WWOX: variants seen among roughly 807,000 people sequenced by gnomAD.
WWOX encodes WW domain containing oxidoreductase.
In WWOX, 69 loss-of-function variants were observed where a neutral mutation model predicts 46.2. The observed-to-expected ratio is 1.49, with a 90% CI of 1.23 to 1.82. WWOX has a LOEUF of 1.82. Ranked by LOEUF, WWOX falls within the 40% of genes most tolerant of loss-of-function variation. The probability of loss-of-function intolerance (pLI) is 0.00; values close to 1 mark genes in which losing one functional copy is unlikely to be tolerated. For missense variants in WWOX, 919 were observed against 542.6 expected (o/e 1.69, Z -6.89); for synonymous variants, 359 against 202.6 (o/e 1.77, Z -6.56).
intron 8 of WWOX, among the ~76,000 whole-genome samples, chr16:78,837,561 A>G (rs898041597): frequency 7.9e-5 from 12 of 152,052 alleles, no homozygotes; most frequent in Non-Finnish European, 4.4e-5. Flanking sequence ...ATTATTTTTT[A>G]TTTTCTAGCA....
At chr16:78,668,229 G>A (rs780991283) in intron 8 of WWOX, among the ~76,000 whole-genome samples, 9 of 152,110 alleles carry the variant, frequency 5.9e-5, no homozygotes, top group Non-Finnish European at 8.8e-5. Flanking sequence ...GCAGTCAGCC[G>A]AGATCTATGC....
chr16:78,332,231 A>C (rs997433743), intron 5 of WWOX, among the ~76,000 whole-genome samples: 1 of 152,130 alleles, frequency 6.6e-6, no homozygotes, highest in Non-Finnish European at 1.5e-5. Context: ...TTGCCTAAAG[A>C]GACAGAATCC....
chr16:78,214,252 G>A (rs909148368), intron 5 of WWOX, among the ~76,000 whole-genome samples: 1 of 152,150 alleles, frequency 6.6e-6, no homozygotes. Context: ...TCAGACCGAG[G>A]GGTCCTAGTT....
chr16:78,644,168 G>C (rs1236300936), intron 8 of WWOX, among the ~76,000 whole-genome samples: 1 of 152,122 alleles, frequency 6.6e-6, no homozygotes, highest in Non-Finnish European at 1.5e-5. Context: ...GTTGTGGTGA[G>C]CTGAGATCAC....
intron 8 of WWOX, among the ~76,000 whole-genome samples, chr16:78,735,483 T>C (rs932462581): frequency 6.6e-6 from 1 of 152,028 alleles, no homozygotes; most frequent in African/African-American, 2.4e-5. Context: ...AGATCCTGTT[T>C]TGACGTGCTT....
At chr16:78,547,991 A>G (rs1323135662) in intron 8 of WWOX, among the ~76,000 whole-genome samples, 1 of 151,866 alleles carries the variant, frequency 6.6e-6, no homozygotes, top group Non-Finnish European at 1.5e-5. Context: ...GTCTTTTCTA[A>G]AAACATTTTA....
rs190043747 is a variant in WWOX at position 78,516,137 on chromosome 16, C to G, written c.1056+83385C>G. ...TAGTTCTTGGCGTGCCCCTTTCTTT[C>G]CGCAGTGCCCAGGCCAGAAGTACCT... On this transcript the variant is annotated intron_variant, in intron 8 of 8. Coordinates refer to ENST00000566780, the MANE Select transcript of WWOX (RefSeq NM_016373.4). Among the ~76,000 whole-genome samples the G allele has an allele frequency of 5.1e-3, 778 of 152,292 alleles. 4 individuals carry two copies. The highest frequency in any genetic ancestry group is 8.8e-3 in the Admixed American group (134 of 15,296).
intron 5 of WWOX, among the ~76,000 whole-genome samples, chr16:78,356,762 A>T (rs541121116): frequency 7.0e-4 from 106 of 152,212 alleles, no homozygotes; most frequent in African/African-American, 2.5e-3. Context: ...TGAGCCTGTA[A>T]TCCCAGCGAC....
intron 8 of WWOX, among the ~76,000 whole-genome samples, chr16:79,047,421 TTGATTGATCGAC>T (rs2048085939): frequency 6.6e-6 from 1 of 152,198 alleles, no homozygotes; most frequent in East Asian, 1.9e-4. Flanking sequence ...AATTGATTAA[TTGATTGATCGAC>T]TGAGGAATGT....
At chr16:79,152,918 G>C (rs990234498) in intron 8 of WWOX, among the ~76,000 whole-genome samples, 1 of 152,112 alleles carries the variant, frequency 6.6e-6, no homozygotes, top group East Asian at 1.9e-4. Context: ...AGTGGGCTCC[G>C]GGTCTAGGAG....
At chr16:78,764,239 A>G (rs2049871419) in intron 8 of WWOX, among the ~76,000 whole-genome samples, 1 of 151,692 alleles carries the variant, frequency 6.6e-6, no homozygotes, top group African/African-American at 2.4e-5. Context: ...GGTGTTGTTA[A>G]ACGGCTCCGC....
At chr16:78,900,987 C>T (rs1237415078) in intron 8 of WWOX, among the ~76,000 whole-genome samples, 1 of 152,100 alleles carries the variant, frequency 6.6e-6, no homozygotes, top group Admixed American at 6.6e-5. Context: ...TTTCCATGAG[C>T]GTTCATATTT....
intron 8 of WWOX, among the ~76,000 whole-genome samples, chr16:79,001,375 C>G (rs1196919187): frequency 6.6e-6 from 1 of 152,028 alleles, no homozygotes; most frequent in East Asian, 1.9e-4. Flanking sequence ...TGAGTTTCTT[C>G]TGGTGGAGCG....
intron 5 of WWOX, among the ~76,000 whole-genome samples, chr16:78,293,335 T>C (rs1344811909): frequency 6.6e-6 from 1 of 152,228 alleles, no homozygotes; most frequent in Non-Finnish European, 1.5e-5. Context: ...TGATTATCTT[T>C]GCACTCTCTC....
At chr16:78,108,237 T>A (rs1237226308) in intron 1 of WWOX, among the ~76,000 whole-genome samples, 186 bp from the exon 2 acceptor site, 1 of 150,888 alleles carries the variant, frequency 6.6e-6, no homozygotes, top group Non-Finnish European at 1.5e-5. Context: ...CCTCTAGATA[T>A]TTTGAGTGAT....
At chr16:78,885,539 A>G (rs1223980317) in intron 8 of WWOX, among the ~76,000 whole-genome samples, 3 of 152,226 alleles carry the variant, frequency 2.0e-5, no homozygotes, top group Non-Finnish European at 4.4e-5. Flanking sequence ...TTATGGGCAG[A>G]TTGTGAGAAA....
At chr16:78,305,068 C>G (rs2080108301) in intron 5 of WWOX, among the ~76,000 whole-genome samples, 1 of 152,132 alleles carries the variant, frequency 6.6e-6, no homozygotes, top group Non-Finnish European at 1.5e-5. Flanking sequence ...TCACCCCACC[C>G]TACCTGGGAA....
intron 8 of WWOX, among the ~76,000 whole-genome samples, chr16:78,556,931 C>G (rs572852027): frequency 6.6e-6 from 1 of 152,186 alleles, no homozygotes; most frequent in Non-Finnish European, 1.5e-5. Flanking sequence ...ATTGGTCAGG[C>G]TGGTCTTGAA....
intron 1 of WWOX, among the ~76,000 whole-genome samples, chr16:78,105,610 C>T (rs996085270): frequency 6.6e-5 from 10 of 152,170 alleles, no homozygotes; most frequent in Middle Eastern, 3.4e-3. Context: ...AAAAACTGTT[C>T]TGAGTGAGTT....
Sources: gnomAD v4.1 joint callset for allele counts (sites outside exome capture counted in the v4.1 genomes callset) on GRCh38, gnomAD v4.1.1 for gene constraint, MANE v1.5 for transcripts, NCBI Gene and HGNC (gene_info 2026-07-23, HGNC 2026-07-21) for gene names.